Variants in PRELID2 observed in about 807,000 individuals in gnomAD.
PRELID2 encodes the protein PRELI domain containing 2.
A neutral mutation model predicts 28.4 loss-of-function variants in PRELID2; 25 were observed. The observed-to-expected ratio is 0.88, with a 90% CI of 0.64 to 1.23. The LOEUF (loss-of-function observed/expected upper bound fraction) is 1.23, where lower values mean the gene tolerates loss of function less well. PRELID2 is among the 50% of genes most tolerant of loss of function. The pLI is 0.00. For synonymous variants in PRELID2, 76 were observed against 71.6 expected (o/e 1.06, Z -0.31); for missense variants, 201 against 214.4 (o/e 0.94, Z 0.39).
At chr5:145,718,025 T>A (rs1755889042) in intron 1 of PRELID2, among the ~76,000 whole-genome samples, 1 of 152,008 alleles carries the variant, frequency 6.6e-6, no homozygotes, top group South Asian at 2.1e-4. Flanking sequence ...ACAGTAAGGA[T>A]AATTGAAGTT....
intron 5 of PRELID2, among the ~76,000 whole-genome samples, chr5:145,785,924 C>A (rs993954055): frequency 1.3e-5 from 2 of 152,152 alleles, no homozygotes; most frequent in African/African-American, 4.8e-5. Flanking sequence ...ATAGCTGAAT[C>A]CTGCCTTTGG....
At chr5:145,602,463 A>G (rs371995611) in intron 1 of PRELID2, among the ~76,000 whole-genome samples, 67 of 152,328 alleles carry the variant, frequency 4.4e-4, no homozygotes, top group African/African-American at 1.5e-3. Context: ...AACAGGAGAT[A>G]GACATCATGA....
At chr5:145,297,086 A>T in the PRELID2 span, among the ~76,000 whole-genome samples, 1 of 151,814 alleles carries the variant, frequency 6.6e-6, no homozygotes, top group Non-Finnish European at 1.5e-5. Context: ...TAGATTCTGG[A>T]TATTAGCCCT....
chr5:145,296,850 C>G, the PRELID2 span, among the ~76,000 whole-genome samples: 1 of 152,150 alleles, frequency 6.6e-6, no homozygotes, highest in Non-Finnish European at 1.5e-5. Context: ...CTCTCCAGCA[C>G]CAGTTGTTTC....
chr5:145,255,503 G>T, the PRELID2 span, among the ~76,000 whole-genome samples: 1 of 152,118 alleles, frequency 6.6e-6, no homozygotes, highest in East Asian at 1.9e-4. Flanking sequence ...GCTCGGTGCA[G>T]TGGCTCACAT....
the PRELID2 span, among the ~76,000 whole-genome samples, chr5:145,265,872 T>A: frequency 6.6e-6 from 1 of 152,224 alleles, no homozygotes; most frequent in East Asian, 1.9e-4. Flanking sequence ...AAGATAACAT[T>A]GCAAAATCCC....
intron 1 of PRELID2, among the ~76,000 whole-genome samples, chr5:145,739,664 T>G (rs367860882): frequency 6.6e-6 from 1 of 151,960 alleles, no homozygotes. Context: ...CCCAGATGAA[T>G]GTACAAGAAA....
chr5:145,461,652 C>A, the PRELID2 span, among the ~76,000 whole-genome samples: 1 of 152,168 alleles, frequency 6.6e-6, no homozygotes. Context: ...ATGATAATTC[C>A]TATCCCACTG....
chr5:145,690,516 G>C (rs979775272), intron 1 of PRELID2, among the ~76,000 whole-genome samples: 3 of 152,174 alleles, frequency 2.0e-5, no homozygotes, highest in African/African-American at 7.2e-5. Flanking sequence ...AACTCCTGCA[G>C]CTACATGACA....
the PRELID2 span, among the ~76,000 whole-genome samples, chr5:145,425,943 A>T: frequency 2.6e-5 from 4 of 152,144 alleles, no homozygotes; most frequent in African/African-American, 9.7e-5. Flanking sequence ...TAGAAACACA[A>T]GGCACCTGCC....
intron 1 of PRELID2, among the ~76,000 whole-genome samples, chr5:145,493,420 G>T (rs1448349875): frequency 6.6e-6 from 1 of 152,116 alleles, no homozygotes; most frequent in Non-Finnish European, 1.5e-5. Flanking sequence ...TGATTTTCAG[G>T]TTTCCCTGCA....
At chr5:145,267,672 C>A in the PRELID2 span, among the ~76,000 whole-genome samples, 12,878 of 152,150 alleles carry the variant, frequency 0.085, 1,183 homozygotes, top group African/African-American at 0.23. Context: ...TAGGTATATA[C>A]CTAGCAGAGG....
At chr5:145,611,295 T>C (rs1442421924) in intron 1 of PRELID2, among the ~76,000 whole-genome samples, 2 of 151,988 alleles carry the variant, frequency 1.3e-5, no homozygotes, top group East Asian at 3.9e-4. Flanking sequence ...TCCCAAGTAG[T>C]TGAGATTACA....
At position 145,831,052 on chromosome 5, in the gene PRELID2, GA is replaced by G. The variant is rs61642495; in HGVS notation, c.75+4124del. On this transcript the variant is annotated intron_variant, in intron 1 of 6. Coordinates refer to ENST00000683046, the MANE Select transcript of PRELID2 (RefSeq NM_205846.3). ...TCGCTTCTGCCAAGTGCTTTCCTTT[GA>G]AAAAAAAATCATAAAGACTGAAAGA... Among the ~76,000 whole-genome samples, 302 of 150,660 alleles carry G rather than the reference GA, an allele frequency of 2.0e-3. 1 individual carries two copies. Among genetic ancestry groups the G allele is most frequent in the African/African-American group, 7.0e-3 (287 of 41,090 alleles).
chr5:145,654,515 C>A (rs181597343), intron 1 of PRELID2, among the ~76,000 whole-genome samples: 4,143 of 152,254 alleles, frequency 0.027, 79 homozygotes, highest in Non-Finnish European at 0.039. Flanking sequence ...TACTAGCAAA[C>A]CAAATCCAGC....
chr5:145,610,934 C>A (rs1328977631), intron 1 of PRELID2, among the ~76,000 whole-genome samples: 1 of 149,072 alleles, frequency 6.7e-6, no homozygotes, highest in Non-Finnish European at 1.5e-5. Flanking sequence ...AACAAAAGAC[C>A]CTAAACTACA....
At chr5:145,314,363 A>G in the PRELID2 span, among the ~76,000 whole-genome samples, 1 of 152,238 alleles carries the variant, frequency 6.6e-6, no homozygotes, top group Non-Finnish European at 1.5e-5. Flanking sequence ...ACATTTAAAT[A>G]AGCCATTGAT....
chr5:145,394,830 A>T, the PRELID2 span, among the ~76,000 whole-genome samples: 40 of 152,246 alleles, frequency 2.6e-4, no homozygotes, highest in African/African-American at 9.1e-4. Context: ...TCTGTCGTTT[A>T]TCAGTTGTGA....
chr5:145,823,186 A>G (rs1581278807), intron 1 of PRELID2, 52 bp from the exon 2 acceptor site: 2 of 920,734 alleles, frequency 2.2e-6, no homozygotes, highest in East Asian at 4.9e-5. Flanking sequence ...ACCAAGGTGA[A>G]CTATTTAGAA....
Sources: gnomAD v4.1 joint callset for allele counts (sites outside exome capture counted in the v4.1 genomes callset) on GRCh38, gnomAD v4.1.1 for gene constraint, MANE v1.5 for transcripts, NCBI Gene and HGNC (gene_info 2026-07-23, HGNC 2026-07-21) for gene names.